Variants in CSMD2 observed in about 807,000 individuals in gnomAD.
CSMD2 encodes CUB and Sushi multiple domains 2.
In CSMD2, 130 loss-of-function variants were observed where a neutral mutation model predicts 398.5. That is an observed-to-expected ratio of 0.33 (90% CI 0.28 to 0.38). CSMD2 has a LOEUF of 0.38. CSMD2 is among the 10% of genes least tolerant of loss of function. The pLI, the probability that CSMD2 is intolerant of heterozygous loss-of-function variation, is 1.00. For missense variants in CSMD2, 3,829 were observed against 4,764.9 expected, an observed-to-expected ratio of 0.80 and a Z score of 5.78; for synonymous variants, 1,828 against 1,908.5, an observed-to-expected ratio of 0.96 and a Z score of 1.10.
chr1:34,092,887 G>C (rs1010962076), intron 1 of CSMD2, among the ~76,000 whole-genome samples: 16 of 151,960 alleles, frequency 1.1e-4, no homozygotes, highest in African/African-American at 3.6e-4. Context: ...CGGAAAGCTC[G>C]AACTGGGTGG....
chr1:33,704,617 G>A (rs569223085), intron 22 of CSMD2, among the ~76,000 whole-genome samples: 5 of 152,212 alleles, frequency 3.3e-5, no homozygotes, highest in African/African-American at 7.2e-5. Flanking sequence ...CTATTAGGTT[G>A]AGCCATGAAA....
chr1:33,522,040 A>T (rs976882198), intron 67 of CSMD2, among the ~76,000 whole-genome samples: 1 of 152,176 alleles, frequency 6.6e-6, no homozygotes, highest in African/African-American at 2.4e-5. Context: ...AGTTCGTCAC[A>T]GTTCTAAGAG....
intron 3 of CSMD2, among the ~76,000 whole-genome samples, chr1:33,943,009 G>T (rs1383055289): frequency 6.6e-6 from 1 of 152,094 alleles, no homozygotes; most frequent in Non-Finnish European, 1.5e-5. Context: ...CAGCAATGCT[G>T]GAGCCAGCAT....
intron 4 of CSMD2, among the ~76,000 whole-genome samples, chr1:33,929,930 G>A (rs1330413892): frequency 1.3e-5 from 2 of 152,154 alleles, no homozygotes; most frequent in African/African-American, 4.8e-5. Flanking sequence ...GGCCTCCCCT[G>A]ACTGCTCCGT....
intron 3 of CSMD2, among the ~76,000 whole-genome samples, chr1:33,974,266 ACTGT>A (rs1490958483): frequency 6.6e-6 from 1 of 152,236 alleles, no homozygotes; most frequent in Non-Finnish European, 1.5e-5. Context: ...AGCCTGAAGA[ACTGT>A]CTGTTGGTCA....
chr1:33,925,727 T>C (rs1364647004), intron 4 of CSMD2, among the ~76,000 whole-genome samples: 1 of 152,102 alleles, frequency 6.6e-6, no homozygotes. Flanking sequence ...ATAACCCCCA[T>C]TGTCACTCAG....
intron 12 of CSMD2, among the ~76,000 whole-genome samples, chr1:33,777,528 T>C (rs1431445796): frequency 6.6e-6 from 1 of 152,214 alleles, no homozygotes; most frequent in Non-Finnish European, 1.5e-5. Flanking sequence ...ATCTTGGCAC[T>C]TCTGGTCAGG....
chr1:33,567,928 G>A (rs1659210808), intron 52 of CSMD2, 87 bp from the exon 53 acceptor site: 2 of 1,457,340 alleles, frequency 1.4e-6, no homozygotes, highest in South Asian at 1.3e-5. Context: ...CAATCTAGGA[G>A]TGACTTCAGG....
intron 1 of CSMD2, among the ~76,000 whole-genome samples, chr1:34,148,486 G>A (rs1221164133): frequency 2.0e-5 from 3 of 151,798 alleles, no homozygotes; most frequent in South Asian, 2.1e-4. Context: ...ACCACTTGAC[G>A]TGTAATTCAT....
intron 3 of CSMD2, among the ~76,000 whole-genome samples, chr1:33,952,349 T>C (rs957243601): frequency 9.9e-5 from 15 of 152,234 alleles, no homozygotes; most frequent in African/African-American, 3.6e-4. Context: ...TGATGGTGGA[T>C]AATCTTCAAG....
At chr1:33,877,406 C>T (rs1640914320) in intron 5 of CSMD2, among the ~76,000 whole-genome samples, 1 of 152,152 alleles carries the variant, frequency 6.6e-6, no homozygotes, top group Non-Finnish European at 1.5e-5. Context: ...GAGATGAGGG[C>T]CTGGAACTCA....
intron 1 of CSMD2, among the ~76,000 whole-genome samples, chr1:34,161,783 C>T (rs1207279468): frequency 6.6e-6 from 1 of 151,976 alleles, no homozygotes. Flanking sequence ...AGAGATGGGG[C>T]AGTGGCTTAG....
intron 12 of CSMD2, among the ~76,000 whole-genome samples, chr1:33,775,135 C>T (rs990728926): frequency 4.6e-5 from 7 of 152,176 alleles, no homozygotes; most frequent in African/African-American, 1.7e-4. Context: ...TCTCAGTTAT[C>T]ATGACAAATA....
chr1:33,766,647 C>G (rs1230167233), intron 13 of CSMD2, among the ~76,000 whole-genome samples: 1 of 152,200 alleles, frequency 6.6e-6, no homozygotes, highest in Non-Finnish European at 1.5e-5. Context: ...CAGTAGTCCA[C>G]AAAGGTGTGC....
At chr1:33,890,745 A>G (rs1419194372) in intron 5 of CSMD2, among the ~76,000 whole-genome samples, 1 of 151,808 alleles carries the variant, frequency 6.6e-6, no homozygotes, top group Non-Finnish European at 1.5e-5. Flanking sequence ...AACGCTGCAT[A>G]TCTACAACTA....
chr1:33,527,050 G>A (rs979456684), intron 65 of CSMD2, 146 bp downstream of exon 65: 1 of 756,954 alleles, frequency 1.3e-6, no homozygotes, highest in Non-Finnish European at 2.4e-6. Flanking sequence ...CTGGGGAGGT[G>A]GGTAGGGAAA....
intron 44 of CSMD2, among the ~76,000 whole-genome samples, chr1:33,594,985 G>A (rs1006988250): frequency 6.6e-6 from 1 of 152,186 alleles, no homozygotes; most frequent in Non-Finnish European, 1.5e-5. Context: ...ATATCTTAGT[G>A]TATTTCCTAC....
At chr1:34,013,409 G>A (rs961912757) in intron 3 of CSMD2, among the ~76,000 whole-genome samples, 9 of 152,134 alleles carry the variant, frequency 5.9e-5, no homozygotes, top group Admixed American at 1.3e-4. Context: ...TCTCAGGACC[G>A]CGGGGTAGAA....
intron 2 of CSMD2, among the ~76,000 whole-genome samples, chr1:34,041,840 A>C (rs74863491): frequency 1.6e-3 from 237 of 152,352 alleles, no homozygotes; most frequent in African/African-American, 5.6e-3. Context: ...AGAGAGACAC[A>C]CTTGGGCTCC....
Sources: gnomAD v4.1 joint callset for allele counts (sites outside exome capture counted in the v4.1 genomes callset) on GRCh38, gnomAD v4.1.1 for gene constraint, MANE v1.5 for transcripts, NCBI Gene and HGNC (gene_info 2026-07-23, HGNC 2026-07-21) for gene names.